EPHA4: variants seen among roughly 807,000 people sequenced by gnomAD.
The protein encoded by EPHA4 is ephrin type-A receptor 4.
A neutral mutation model predicts 108.3 loss-of-function variants in EPHA4; 19 were observed. The observed-to-expected ratio is 0.18, with a 90% CI of 0.12 to 0.26. The LOEUF (loss-of-function observed/expected upper bound fraction) is 0.26, where lower values mean the gene tolerates loss of function less well. EPHA4 is among the 10% of genes least tolerant of loss of function. The probability of loss-of-function intolerance (pLI) is 1.00; values close to 1 mark genes in which losing one functional copy is unlikely to be tolerated. For missense variants in EPHA4, 917 were observed against 1,254.0 expected, an observed-to-expected ratio of 0.73 and a Z score of 4.06; for synonymous variants, 449 against 455.5, an observed-to-expected ratio of 0.99 and a Z score of 0.18.
At position 221,534,214 on chromosome 2, in the gene EPHA4, T is replaced by C. The variant is rs1574641424; in HGVS notation, c.823+29517A>G. On this transcript the variant is annotated intron_variant, in intron 3 of 17. Coordinates refer to ENST00000281821, the MANE Select transcript of EPHA4 (RefSeq NM_004438.5). ...GCCTGCAAGTAGCATAAAGCATATC[T>C]TGTTTACTAAAAAATGAATTTGTGC... is the stretch of plus-strand genomic sequence containing the variant. Among the ~76,000 whole-genome samples the C allele has an allele frequency of 2.6e-5, 4 of 152,318 alleles. No homozygotes were observed. The South Asian group carries it at 8.3e-4, about 32-fold the overall frequency.
intron 3 of EPHA4, among the ~76,000 whole-genome samples, chr2:221,523,191 G>A (rs550855564): frequency 2.6e-5 from 4 of 152,128 alleles, no homozygotes; most frequent in Non-Finnish European, 5.9e-5. Context: ...AGTAGTTACT[G>A]GGGCTCTCTA....
intron 8 of EPHA4, among the ~76,000 whole-genome samples, chr2:221,451,171 G>A (rs527288639): frequency 2.0e-5 from 3 of 152,300 alleles, no homozygotes; most frequent in African/African-American, 7.2e-5. Context: ...CTGAGACTGA[G>A]TTATTGCATG....
At chr2:221,529,575 G>C (rs1693445533) in intron 3 of EPHA4, among the ~76,000 whole-genome samples, 1 of 152,212 alleles carries the variant, frequency 6.6e-6, no homozygotes, top group Non-Finnish European at 1.5e-5. Context: ...CTAATGCTTT[G>C]AGATCCTCCA....
chr2:221,480,696 G>A (rs898468215), intron 5 of EPHA4, among the ~76,000 whole-genome samples: 4 of 152,096 alleles, frequency 2.6e-5, no homozygotes, highest in African/African-American at 4.8e-5. Context: ...TGGATGACCC[G>A]TTCACATTAG....
chr2:221,553,399 A>C (rs1217257202), intron 3 of EPHA4, among the ~76,000 whole-genome samples: 12 of 152,250 alleles, frequency 7.9e-5, no homozygotes. Context: ...CTTAAGGACA[A>C]AAGCCCAAGA....
At chr2:221,455,521 G>C in intron 8 of EPHA4, 26 bp downstream of exon 8, 24 of 1,548,938 alleles carry the variant, frequency 1.5e-5, no homozygotes, top group Non-Finnish European at 2.1e-5. Flanking sequence ...GTCGGGGGCT[G>C]CACAGTGAGT....
In EPHA4 at chr2:221,444,744, C is replaced by CTTTTT. The variant is rs71266317; in HGVS notation, c.1775-1143_1775-1139dup. ...TCCCAGTCCCTCTCTTTTTTTCTAT[C>CTTTTT]TTTTTTTTTTTTTTTTTTTTTTTTT... On this transcript the variant is annotated intron_variant, in intron 9 of 17. Transcript: ENST00000281821. Among the ~76,000 whole-genome samples the CTTTTT allele has an allele frequency of 1.6e-3, 117 of 74,980 alleles. 4 individuals are homozygous for CTTTTT. Among genetic ancestry groups the CTTTTT allele is most frequent in the Non-Finnish European group, 2.1e-3 (86 of 41,508 alleles). The allele number at this position is 74,980 out of a possible 152,430, so 49.2% of individuals were successfully genotyped here.
chr2:221,449,138 A>G (rs1690690570), intron 8 of EPHA4, among the ~76,000 whole-genome samples: 1 of 152,114 alleles, frequency 6.6e-6, no homozygotes, highest in Admixed American at 6.6e-5. Flanking sequence ...AAAAAAAACC[A>G]CAAGGATTAC....
At chr2:221,562,257 C>T (rs1262237471) in intron 3 of EPHA4, among the ~76,000 whole-genome samples, 2 of 150,854 alleles carry the variant, frequency 1.3e-5, no homozygotes, top group African/African-American at 4.9e-5. Context: ...AAGATAGCCA[C>T]TCTTTTTTCT....
intron 5 of EPHA4, among the ~76,000 whole-genome samples, chr2:221,462,618 T>C (rs893871452): frequency 6.6e-6 from 1 of 152,228 alleles, no homozygotes. Flanking sequence ...ACTTTCCATC[T>C]GCACCTGTTT....
chr2:221,460,874 C>T lies in EPHA4; in HGVS notation c.1319-2884G>A, dbSNP rs552753268. Among the ~76,000 whole-genome samples the T allele has an allele frequency of 3.1e-4, 47 of 152,300 alleles. 1 individual carries two copies. The highest frequency in any genetic ancestry group is 1.1e-3 in the African/African-American group (46 of 41,564). On this transcript the variant is annotated intron_variant, in intron 5 of 17. Transcript: ENST00000281821. ...CCATGCCACACATTTGCTGCCACATCCCTCTGCAGCTTGTAAGATGATTTA... is the reference window on the plus strand; with the variant it reads ...CCATGCCACACATTTGCTGCCACATTCCTCTGCAGCTTGTAAGATGATTTA...
At chr2:221,498,845 C>A (rs1692386942) in intron 4 of EPHA4, among the ~76,000 whole-genome samples, 2 of 145,436 alleles carry the variant, frequency 1.4e-5, no homozygotes, top group Admixed American at 1.4e-4. Flanking sequence ...AGGGTGGAGT[C>A]CAGTGGTGCA....
At chr2:221,516,651 C>T (rs1336975501) in intron 3 of EPHA4, among the ~76,000 whole-genome samples, 1 of 152,300 alleles carries the variant, frequency 6.6e-6, no homozygotes, top group Non-Finnish European at 1.5e-5. Flanking sequence ...CATGCCCGAC[C>T]TAGATTCAGT....
intron 9 of EPHA4, among the ~76,000 whole-genome samples, chr2:221,444,744 C>CTTTTTTTTTTTTTTTT (rs71266317): frequency 2.3e-4 from 17 of 74,986 alleles, no homozygotes; most frequent in Non-Finnish European, 2.9e-4. Flanking sequence ...TTTTTTCTAT[C>CTTTTTTTTTTTTTTTT]TTTTTTTTTT....
chr2:221,520,181 C>A (rs1693117255), intron 3 of EPHA4, among the ~76,000 whole-genome samples: 1 of 152,124 alleles, frequency 6.6e-6, no homozygotes, highest in African/African-American at 2.4e-5. Context: ...CTCAAAGCCT[C>A]TCATAGCCAG....
At chr2:221,472,356 G>A (rs1473531692) in intron 5 of EPHA4, among the ~76,000 whole-genome samples, 2 of 150,312 alleles carry the variant, frequency 1.3e-5, no homozygotes, top group Non-Finnish European at 3.0e-5. Flanking sequence ...CCAGCTTGCA[G>A]TATGTTATCT....
chr2:221,517,111 A>G (rs1366102457), intron 3 of EPHA4, among the ~76,000 whole-genome samples: 1 of 152,174 alleles, frequency 6.6e-6, no homozygotes, highest in Non-Finnish European at 1.5e-5. Flanking sequence ...TTCTACTGGC[A>G]GGGATAGAAC....
At chr2:221,460,290 T>C (rs1691098881) in intron 5 of EPHA4, among the ~76,000 whole-genome samples, 1 of 152,092 alleles carries the variant, frequency 6.6e-6, no homozygotes, top group South Asian at 2.1e-4. Context: ...AACGAAGGAT[T>C]AAATGAAAAT....
intron 3 of EPHA4, among the ~76,000 whole-genome samples, chr2:221,544,452 A>G (rs1693926020): frequency 6.6e-6 from 1 of 152,118 alleles, no homozygotes; most frequent in African/African-American, 2.4e-5. Flanking sequence ...CAGCCTCCCA[A>G]GTAGCTGGGA....
Sources: gnomAD v4.1 joint callset for allele counts (sites outside exome capture counted in the v4.1 genomes callset) on GRCh38, gnomAD v4.1.1 for gene constraint, MANE v1.5 for transcripts, NCBI Gene and HGNC (gene_info 2026-07-23, HGNC 2026-07-21) for gene names.